GABRG3: variants seen among roughly 807,000 people sequenced by gnomAD.
The protein encoded by GABRG3 is gamma-aminobutyric acid type A receptor subunit gamma3.
A neutral mutation model predicts 48.8 loss-of-function variants in GABRG3; 25 were observed. The ratio of observed to expected loss-of-function variants is 0.51; its 90% CI spans 0.37 to 0.72. The LOEUF is 0.72. GABRG3 is among the 30% of genes least tolerant of loss of function. GABRG3 has a pLI of 0.00. For missense variants in GABRG3, 394 were observed against 577.9 expected, an observed-to-expected ratio of 0.68 and a Z score of 3.26; for synonymous variants, 227 against 217.6, an observed-to-expected ratio of 1.04 and a Z score of -0.38.
At chr15:27,157,794 A>G (rs1898472017) in intron 3 of GABRG3, 2 of 152,254 alleles carry the variant, frequency 1.3e-5, no homozygotes, top group Admixed American at 1.3e-4. Context: ...AAGGCACAAT[A>G]TAAGACTGTG....
chr15:27,057,086 C>T (rs1896561797), intron 3 of GABRG3, among the ~76,000 whole-genome samples: 1 of 152,154 alleles, frequency 6.6e-6, no homozygotes, highest in Non-Finnish European at 1.5e-5. Context: ...AATAAACCTT[C>T]CAACAGTGGC....
Position 27,359,242 on chromosome 15 carries a change from C to T in GABRG3, c.574+30354C>T, listed in dbSNP as rs150752672. The stretch of plus-strand genomic sequence containing the variant: ...GGAAGGAGGGGTGCCCTCCCCGCTA[C>T]GGTGGGGAGACCTGCCCCTGTCTCT... On this transcript the variant is annotated intron_variant, in intron 5 of 9. Transcript: ENST00000615808. Among the ~76,000 whole-genome samples, 8 of 152,334 alleles carry T rather than the reference C, an allele frequency of 5.3e-5. No individual in the cohort carries two copies. The East Asian group carries it at 1.4e-3, about 26-fold the overall frequency.
rs148021102 is a variant in GABRG3, at chr15:27,213,830, C to T, written c.271-112979C>T. Among the ~76,000 whole-genome samples, 900 of 152,344 alleles carry T rather than the reference C, an allele frequency of 5.9e-3. 10 individuals carry two copies. The highest frequency in any genetic ancestry group is 0.02 in the African/African-American group (832 of 41,580). ...AAACTCCACTGCTCCACATATTCAG[C>T]TCCACACTTGTGGTGAAAGCTGCAC... On this transcript the variant is annotated intron_variant, in intron 3 of 9. Coordinates refer to ENST00000615808, the MANE Select transcript of GABRG3 (RefSeq NM_033223.5).
chr15:27,333,481 T>C (rs1040132449), intron 5 of GABRG3, among the ~76,000 whole-genome samples: 9 of 152,186 alleles, frequency 5.9e-5, no homozygotes, highest in African/African-American at 2.2e-4. Flanking sequence ...TTTGTTGTCA[T>C]ATCTCTCTTA....
At chr15:27,045,501 A>G (rs1435759526) in intron 3 of GABRG3, among the ~76,000 whole-genome samples, 1 of 152,178 alleles carries the variant, frequency 6.6e-6, no homozygotes, top group Non-Finnish European at 1.5e-5. Context: ...AAGATAAACT[A>G]TCTAGAATGA....
chr15:27,070,443 G>T (rs957499551), intron 3 of GABRG3, among the ~76,000 whole-genome samples: 7 of 152,134 alleles, frequency 4.6e-5, no homozygotes, highest in African/African-American at 1.2e-4. Flanking sequence ...CAATCCAACT[G>T]CACTCCACGT....
At chr15:27,048,042 C>T (rs573809474) in intron 3 of GABRG3, among the ~76,000 whole-genome samples, 9 of 152,282 alleles carry the variant, frequency 5.9e-5, no homozygotes, top group African/African-American at 2.2e-4. Flanking sequence ...CACAGATAGT[C>T]GGTGAGTGAG....
intron 3 of GABRG3, among the ~76,000 whole-genome samples, chr15:27,114,615 A>G (rs1240875796): frequency 6.6e-6 from 1 of 152,222 alleles, no homozygotes; most frequent in African/African-American, 2.4e-5. Context: ...GACTTGAAAA[A>G]TAGTCATGAA....
intron 5 of GABRG3, among the ~76,000 whole-genome samples, chr15:27,370,371 T>C (rs1405562573): frequency 6.6e-6 from 1 of 152,224 alleles, no homozygotes; most frequent in Non-Finnish European, 1.5e-5. Context: ...GCTCATGTAA[T>C]AGCCTGGAGT....
intron 3 of GABRG3, among the ~76,000 whole-genome samples, chr15:27,308,255 C>CATATATAAACATATAT (rs1595664258): frequency 6.9e-4 from 44 of 63,932 alleles, no homozygotes; most frequent in South Asian, 1.1e-3. Context: ...TATAAACATA[C>CATATATAAACATATAT]GTTTATATAT....
At chr15:27,155,730 T>A (rs1229868477) in intron 3 of GABRG3, among the ~76,000 whole-genome samples, 2 of 152,140 alleles carry the variant, frequency 1.3e-5, no homozygotes, top group Non-Finnish European at 2.9e-5. Context: ...TCTAGGTCCC[T>A]GCAGATAGTG....
At chr15:27,310,357 A>G in intron 3 of GABRG3, among the ~76,000 whole-genome samples, 1 of 152,160 alleles carries the variant, frequency 6.6e-6, no homozygotes, top group Non-Finnish European at 1.5e-5. Flanking sequence ...TAAAAATAAA[A>G]CTTGAAAGAC....
intron 3 of GABRG3, among the ~76,000 whole-genome samples, chr15:27,210,321 G>A (rs1889033001): frequency 6.6e-6 from 1 of 152,186 alleles, no homozygotes. Flanking sequence ...GCGAAAATAA[G>A]TGAGTTTAGA....
intron 5 of GABRG3, among the ~76,000 whole-genome samples, chr15:27,403,687 G>A (rs1344102963): frequency 6.6e-6 from 1 of 151,940 alleles, no homozygotes; most frequent in Non-Finnish European, 1.5e-5. Flanking sequence ...GGCCGAGGTG[G>A]GCGGATCACG....
rs537536025 is a variant in GABRG3, at chr15:27,424,374, G to A, written c.575-56276G>A. Reference sequence around the variant, plus strand: ...CAAGATCAAGGTGACAGCAGGTTCAGTGTCTACTGAGGGCTGCCCTCTCCA... The same window carrying A: ...CAAGATCAAGGTGACAGCAGGTTCAATGTCTACTGAGGGCTGCCCTCTCCA... On this transcript the variant is annotated intron_variant, in intron 5 of 9. Transcript: ENST00000615808. Among the ~76,000 whole-genome samples the A allele has an allele frequency of 5.3e-5, 8 of 152,258 alleles. No homozygotes were observed. In the East Asian group the frequency reaches 1.2e-3, roughly 22 times the overall value.
chr15:26,998,337 G>A (rs1231702235), intron 2 of GABRG3, among the ~76,000 whole-genome samples: 2 of 152,166 alleles, frequency 1.3e-5, no homozygotes, highest in African/African-American at 4.8e-5. Flanking sequence ...TCCTTGTCCA[G>A]AGTTCTTAAT....
At position 27,089,673 on chromosome 15, in the gene GABRG3, T is replaced by C. The variant is rs1427592236; in HGVS notation, c.270+62852T>C. ...GAGCACAGGGCACAGTGGCAGATCA[T>C]GCAGGAAGGCTGTGGTCATGCGAAG... On this transcript the variant is annotated intron_variant, in intron 3 of 9. Transcript: ENST00000615808. Among the ~76,000 whole-genome samples the C allele has an allele frequency of 8.5e-5, 13 of 152,116 alleles. 1 individual carries two copies.
At chr15:27,388,157 A>AGGAAG (rs1407439528) in intron 5 of GABRG3, among the ~76,000 whole-genome samples, 1 of 49,570 alleles carries the variant, frequency 2.0e-5, no homozygotes, top group Admixed American at 1.9e-4. Context: ...GAAGGAAGGA[A>AGGAAG]GAAAGGAAGG....
chr15:27,360,658 T>C (rs1894991154), intron 5 of GABRG3, among the ~76,000 whole-genome samples: 2 of 152,086 alleles, frequency 1.3e-5, no homozygotes, highest in African/African-American at 4.8e-5. Flanking sequence ...GGTTGGACAC[T>C]CCCCTTCCAG....
Sources: allele counts gnomAD v4.1 joint callset (sites outside exome capture counted in the v4.1 genomes callset), GRCh38; gene constraint gnomAD v4.1.1; transcripts MANE v1.5; gene names NCBI Gene and HGNC (gene_info 2026-07-23, HGNC 2026-07-21).